Variants in SLC9A1 observed in about 807,000 individuals in gnomAD.
SLC9A1 encodes sodium/hydrogen exchanger 1.
SLC9A1 carries 22 observed loss-of-function variants against 67.9 expected under a neutral mutation model. The observed-to-expected ratio is 0.32, with a 90% CI of 0.23 to 0.46. The LOEUF (loss-of-function observed/expected upper bound fraction) is 0.46, where lower values mean the gene tolerates loss of function less well. SLC9A1 is among the 20% of genes least tolerant of loss of function. The pLI is 1.00. For missense variants in SLC9A1, 686 were observed against 1,094.8 expected (o/e 0.63, Z 5.27); for synonymous variants, 421 against 471.8 (o/e 0.89, Z 1.40).
intron 1 of SLC9A1, among the ~76,000 whole-genome samples, chr1:27,151,493 T>C (rs1212251222): frequency 6.6e-6 from 1 of 152,156 alleles, no homozygotes; most frequent in Non-Finnish European, 1.5e-5. Flanking sequence ...CCAGAGTAGC[T>C]GGGATTACAG....
chr1:27,152,726 C>T (rs1209934717), intron 1 of SLC9A1, among the ~76,000 whole-genome samples: 1 of 152,182 alleles, frequency 6.6e-6, no homozygotes, highest in Non-Finnish European at 1.5e-5. Flanking sequence ...AAGAGCCCTG[C>T]ACCAGGAACC....
intron 1 of SLC9A1, among the ~76,000 whole-genome samples, chr1:27,126,285 C>T (rs1338573297): frequency 1.3e-5 from 2 of 152,126 alleles, no homozygotes; most frequent in Admixed American, 6.5e-5. Flanking sequence ...TGTTGTATCC[C>T]TGGCACCTTA....
In SLC9A1 at chr1:27,103,305, G is replaced by A; in HGVS notation, c.1493C>T (p.Thr498Ile). The A allele has an allele frequency of 6.2e-7, 1 of 1,613,336 alleles. No individual in the cohort carries two copies. Among genetic ancestry groups the A allele is most frequent in the Non-Finnish European group, 8.5e-7 (1 of 1,179,410 alleles). The change falls in exon 6 of 12, where the codon ACC (threonine) becomes ATC (isoleucine). Residue 498 changes from threonine (T) to isoleucine (I), a missense_variant. By Grantham distance (89) the Thr-to-Ile change is moderately conservative. This residue lies in a region of SLC9A1 where 168 missense variants were observed against 375.4 expected (regional missense o/e 0.45). Transcript: ENST00000263980. ...CAACAGGTCTACCAGGGGCCGAATG[G>A]TCATGCCCTGGGGGGCAGGCAGGTG... Reference protein sequence around the residue: ...IFFTVFVQGMTIRPLVDLLAV... With the variant: ...IFFTVFVQGMIIRPLVDLLAV...
intron 3 of SLC9A1, 51 bp from the exon 4 acceptor site, chr1:27,107,916 C>T (rs768745409): frequency 2.0e-5 from 28 of 1,383,840 alleles, no homozygotes; most frequent in South Asian, 4.9e-5. Context: ...TGCACCTGCT[C>T]GAGCCCCTCC....
chr1:27,151,200 G>A (rs1318429284), intron 1 of SLC9A1, among the ~76,000 whole-genome samples: 1 of 152,208 alleles, frequency 6.6e-6, no homozygotes, highest in Non-Finnish European at 1.5e-5. Context: ...GTAGGAGGCT[G>A]AGGTAGGGAT....
chr1:27,100,344 G>A lies in SLC9A1; in HGVS notation c.2411C>T (p.Pro804Leu). Residue 804 changes from proline (P) to leucine (L), a missense_variant, in exon 12 of 12, where the codon CCT becomes CTT. Transcript: ENST00000263980. The surrounding 1 kb of genome is among the most constrained non-coding windows in gnomAD (Gnocchi z 5.6). ...CLSDPGPHPEPGEGEPFFPKG... is the reference protein window; with the variant it reads ...CLSDPGPHPELGEGEPFFPKG... The stretch of plus-strand genomic sequence containing the variant: ...GGGGAAGAACGGTTCTCCCTCCCCA[G>A]GCTCAGGGTGTGGGCCTGGGTCACT... 1.3e-6 allele frequency: 2 copies of A among 1,546,122 alleles called. No homozygotes were observed. The highest frequency in any genetic ancestry group is 1.7e-6 in the Non-Finnish European group (2 of 1,145,896).
Position 27,101,913 on chromosome 1 carries a change from T to C in SLC9A1, c.1936-87A>G. 2 of 1,397,654 alleles carry C rather than the reference T, an allele frequency of 1.4e-6. No homozygotes were observed. The highest frequency in any genetic ancestry group is 2.0e-6 in the Non-Finnish European group (2 of 988,612). 86.6% of individuals were successfully genotyped at this position (1,397,654 alleles called of 1,614,324 possible). ...GGGGCAGTGCTGGAGGCCGGGCCAG[T>C]CCTGGGGTGGGTGCCGAGGGGCACG... On this transcript the variant is annotated intron_variant, in intron 9 of 11. Transcript: ENST00000263980. This position sits in a 1 kb window ranked among gnomAD's most constrained non-coding sequence, Gnocchi z 4.9.
At chr1:27,126,107 G>A (rs1429246976) in intron 1 of SLC9A1, among the ~76,000 whole-genome samples, 1 of 152,124 alleles carries the variant, frequency 6.6e-6, no homozygotes, top group Non-Finnish European at 1.5e-5. Context: ...GTGAATGACA[G>A]ATTCCCTCCC....
chr1:27,141,111 A>C (rs943879849), intron 1 of SLC9A1, among the ~76,000 whole-genome samples: 2 of 152,176 alleles, frequency 1.3e-5, no homozygotes, highest in Non-Finnish European at 2.9e-5. Context: ...GGGAGGCAGG[A>C]GAATCGCTTG....
Position 27,148,146 on chromosome 1 carries a change from C to T in SLC9A1, c.352+5837G>A, listed in dbSNP as rs551687287. On this transcript the variant is annotated intron_variant, in intron 1 of 11. Transcript: ENST00000263980. ...GTTTTCCATTGTAATCATTTCTCTG[C>T]CTCTCCTTTTCTCTCCCAGAGGGCA... Among the ~76,000 whole-genome samples, 6 of 152,288 alleles carry T rather than the reference C, an allele frequency of 3.9e-5. No individual in the cohort carries two copies. In the East Asian group the frequency reaches 9.6e-4, roughly 24 times the overall value.
At chr1:27,153,630 C>T (rs1277899006) in intron 1 of SLC9A1, among the ~76,000 whole-genome samples, 2 of 152,258 alleles carry the variant, frequency 1.3e-5, no homozygotes, top group African/African-American at 4.8e-5. Flanking sequence ...GAAGACACTC[C>T]TTTCTGTCTC....
chr1:27,123,776 G>T (rs990574312), intron 1 of SLC9A1, among the ~76,000 whole-genome samples: 1 of 151,962 alleles, frequency 6.6e-6, no homozygotes, highest in African/African-American at 2.4e-5. Context: ...GTCCCAAAGT[G>T]CTGGGATTAC....
At chr1:27,136,933 C>T (rs1315328852) in intron 1 of SLC9A1, among the ~76,000 whole-genome samples, 1 of 152,172 alleles carries the variant, frequency 6.6e-6, no homozygotes, top group Non-Finnish European at 1.5e-5. Context: ...GGAAAGAGCC[C>T]ACACTTCTCT....
chr1:27,125,235 TTC>T (rs2083333435), intron 1 of SLC9A1, among the ~76,000 whole-genome samples: 1 of 106,846 alleles, frequency 9.4e-6, no homozygotes, highest in South Asian at 3.4e-4. Flanking sequence ...TTCCTTTTCT[TTC>T]TTTTTTTTTT....
chr1:27,144,305 C>G (rs989479741), intron 1 of SLC9A1, among the ~76,000 whole-genome samples: 16 of 152,190 alleles, frequency 1.1e-4, no homozygotes, highest in African/African-American at 3.4e-4. Flanking sequence ...CCCAAGGAAG[C>G]TCTGGTATCT....
intron 1 of SLC9A1, among the ~76,000 whole-genome samples, chr1:27,127,261 A>G (rs1273436547): frequency 1.3e-5 from 2 of 152,210 alleles, no homozygotes; most frequent in Non-Finnish European, 2.9e-5. Flanking sequence ...TTTGCCTCCC[A>G]AAGTGCTGAG....
At chr1:27,131,947 A>AAAAAAAAAAAAAAAATATATATATAT in intron 1 of SLC9A1, among the ~76,000 whole-genome samples, 3 of 52,106 alleles carry the variant, frequency 5.8e-5, no homozygotes, top group African/African-American at 1.9e-4. Flanking sequence ...AGAAAAAAAA[A>AAAAAAAAAAAAAAAATATATATATAT]ATATATATAT....
At chr1:27,146,021 TAAAG>T (rs2083482885) in intron 1 of SLC9A1, among the ~76,000 whole-genome samples, 1 of 152,208 alleles carries the variant, frequency 6.6e-6, no homozygotes, top group Admixed American at 6.5e-5. Context: ...TATCGGCATC[TAAAG>T]AGACAGTTTG....
rs779607727 is a variant in SLC9A1 at position 27,154,072 on chromosome 1, G to A, written c.263C>T (p.Ala88Val). 2 of 1,613,780 alleles carry A rather than the reference G, an allele frequency of 1.2e-6. No individual in the cohort carries two copies. Among genetic ancestry groups the A allele is most frequent in the South Asian group, 1.1e-5 (1 of 91,028 alleles). The stretch of plus-strand genomic sequence containing the variant: ...GTAGTCGATGCCCAGGACTGGAAAG[G>A]CCTTGCGCGGCTTCATGCCATGATC... ...VTDHGMKPRKAFPVLGIDYTH... is the reference protein window; with the variant it reads ...VTDHGMKPRKVFPVLGIDYTH... The change falls in exon 1 of 12, where the codon GCC (alanine) becomes GTC (valine). Residue 88 changes from alanine to valine, a missense_variant. By Grantham distance (64) the Ala-to-Val change is moderately conservative (BLOSUM62 0). Coordinates refer to ENST00000263980, the MANE Select transcript of SLC9A1 (RefSeq NM_003047.5).
Sources: allele counts gnomAD v4.1 joint callset (sites outside exome capture counted in the v4.1 genomes callset), GRCh38; gene constraint gnomAD v4.1.1; regional missense constraint gnomAD v4.1.1; non-coding constraint Gnocchi (gnomAD v3.1); transcripts MANE v1.5; gene names NCBI Gene and HGNC (gene_info 2026-07-23, HGNC 2026-07-21).